IFT140: variants seen among roughly 807,000 people sequenced by gnomAD.
The protein encoded by IFT140 is intraflagellar transport 140.
A neutral mutation model predicts 164.6 loss-of-function variants in IFT140; 133 were observed. That is an observed-to-expected ratio of 0.81 (90% CI 0.70 to 0.93). IFT140 has a LOEUF of 0.93. Ranked by LOEUF, IFT140 falls within the 40% of genes least tolerant of loss-of-function variation. The probability of loss-of-function intolerance (pLI) is 0.00; values close to 1 mark genes in which losing one functional copy is unlikely to be tolerated. For synonymous variants in IFT140, 860 were observed against 817.3 expected (o/e 1.05, Z -0.89); for missense variants, 2,045 against 1,972.3 (o/e 1.04, Z -0.70).
chr16:1,523,339 T>TGAAGGATTGCGGAC (rs2040577782), intron 26 of IFT140, among the ~76,000 whole-genome samples, 179 bp downstream of exon 26: 1 of 151,566 alleles, frequency 6.6e-6, no homozygotes, highest in East Asian at 1.9e-4. Context: ...GGATGGCGAG[T>TGAAGGATTGCGGAC]CTACACTTGC....
intron 13 of IFT140, 52 bp downstream of exon 13, chr16:1,580,707 G>A: frequency 6.7e-6 from 8 of 1,194,728 alleles, no homozygotes; most frequent in Non-Finnish European, 8.8e-6. Flanking sequence ...TCAATTGAGA[G>A]GCAGGATTTC....
chr16:1,593,939 G>A lies in IFT140; in HGVS notation c.370-1351C>T, dbSNP rs770460675. ...CTACCCTCAGGGGTGGAGCATCCAT[G>A]TAAACCACCCGGGCTTCTTCAGCAT... On this transcript the variant is annotated intron_variant, in intron 4 of 30. Transcript: ENST00000426508. Among the ~76,000 whole-genome samples, 5 of 152,174 alleles carry A rather than the reference G, an allele frequency of 3.3e-5. No homozygotes were observed. In the East Asian group the frequency reaches 5.8e-4, roughly 18 times the overall value.
At chr16:1,587,068 T>C in intron 9 of IFT140, 130 bp downstream of exon 9, 2 of 679,140 alleles carry the variant, frequency 2.9e-6, no homozygotes, top group Non-Finnish European at 5.2e-6. Context: ...GCCCGACTAT[T>C]TGAATGGCTG....
chr16:1,595,308 CAAAT>C (rs994768541), intron 4 of IFT140, among the ~76,000 whole-genome samples: 16 of 149,646 alleles, frequency 1.1e-4, no homozygotes, highest in African/African-American at 3.0e-4. Flanking sequence ...AACAAACAAA[CAAAT>C]AAATAAAATA....
chr16:1,559,200 G>A (rs2033272275), intron 18 of IFT140, among the ~76,000 whole-genome samples: 2 of 152,194 alleles, frequency 1.3e-5, no homozygotes, highest in African/African-American at 4.8e-5. Context: ...GTCAGAAAAC[G>A]TACACGCACA....
At chr16:1,581,360 G>A (rs1229912949) in intron 12 of IFT140, among the ~76,000 whole-genome samples, 1 of 152,122 alleles carries the variant, frequency 6.6e-6, no homozygotes, top group Non-Finnish European at 1.5e-5. Flanking sequence ...AGCATTTAGG[G>A]AGGCTGAAGC....
At chr16:1,589,815 C>T in intron 6 of IFT140, 35 bp from the exon 7 acceptor site, 1 of 1,576,122 alleles carries the variant, frequency 6.3e-7, no homozygotes, top group Non-Finnish European at 8.7e-7. Context: ...CATGAGGAGG[C>T]CCTGGTTTAT....
intron 2 of IFT140, among the ~76,000 whole-genome samples, chr16:1,608,011 C>A (rs542953833): frequency 6.6e-5 from 10 of 152,238 alleles, no homozygotes; most frequent in South Asian, 2.1e-4. Context: ...AGAAAAAAAA[C>A]CAGTACTGAA....
intron 19 of IFT140, chr16:1,541,584 C>T (rs763818870): frequency 7.3e-5 from 59 of 812,448 alleles, no homozygotes; most frequent in East Asian, 1.2e-4. Context: ...TCCACCCCCA[C>T]GCCAGCGCCT....
intron 6 of IFT140, 106 bp downstream of exon 6, chr16:1,592,070 A>G (rs1043704890): frequency 1.6e-6 from 2 of 1,217,176 alleles, no homozygotes; most frequent in Non-Finnish European, 2.3e-6. Flanking sequence ...GCCTGCTGCT[A>G]TCACCGTTAC....
intron 13 of IFT140, chr16:1,576,717 T>C (rs1382381912): frequency 6.6e-6 from 1 of 151,856 alleles, no homozygotes; most frequent in African/African-American, 2.4e-5. Flanking sequence ...GCATAAAATA[T>C]AGGTAGATAC....
chr16:1,520,881 G>T, intron 26 of IFT140, 73 bp from the exon 27 acceptor site: 2 of 1,402,678 alleles, frequency 1.4e-6, no homozygotes, highest in Non-Finnish European at 9.8e-7. Context: ...ATCTGCCACC[G>T]CTTCAGAGGA....
intron 13 of IFT140, among the ~76,000 whole-genome samples, chr16:1,572,709 G>A (rs554550937): frequency 2.0e-5 from 3 of 152,352 alleles, no homozygotes; most frequent in Non-Finnish European, 4.4e-5. Flanking sequence ...CGCTGGAGCA[G>A]ACCTCATGCT....
intron 14 of IFT140, among the ~76,000 whole-genome samples, chr16:1,568,852 C>T (rs969619496): frequency 6.6e-6 from 1 of 152,218 alleles, no homozygotes; most frequent in Non-Finnish European, 1.5e-5. Flanking sequence ...TTTCGTAGCA[C>T]GTGGGGACTG....
intron 22 of IFT140, 31 bp downstream of exon 22, chr16:1,525,200 C>G (rs181470068): frequency 6.6e-7 from 1 of 1,512,938 alleles, no homozygotes; most frequent in Non-Finnish European, 9.2e-7. Flanking sequence ...GGATGGAGTG[C>G]GGTCCCACCA....
chr16:1,518,132 A>G, intron 30 of IFT140, 84 bp downstream of exon 30: 1 of 1,406,628 alleles, frequency 7.1e-7, no homozygotes, highest in Non-Finnish European at 9.8e-7. Context: ...GCCGCCACAC[A>G]CAGCCTCAGT....
At chr16:1,520,936 G>C in intron 26 of IFT140, 128 bp from the exon 27 acceptor site, 1 of 732,602 alleles carries the variant, frequency 1.4e-6, no homozygotes. Context: ...TAGCTGGGGT[G>C]GGTATGGAGG....
At chr16:1,511,785 T>G (rs1186786437) in intron 30 of IFT140, among the ~76,000 whole-genome samples, 1 of 151,914 alleles carries the variant, frequency 6.6e-6, no homozygotes, top group East Asian at 1.9e-4. Context: ...CCTTACATGC[T>G]GACAAACCAC....
intron 19 of IFT140, among the ~76,000 whole-genome samples, chr16:1,550,373 T>G (rs1346705326): frequency 6.6e-6 from 1 of 152,236 alleles, no homozygotes; most frequent in Non-Finnish European, 1.5e-5. Flanking sequence ...GGTCGACCCA[T>G]TCTAATGCTC....
Sources: allele counts gnomAD v4.1 joint callset (sites outside exome capture counted in the v4.1 genomes callset), GRCh38; gene constraint gnomAD v4.1.1; transcripts MANE v1.5; gene names NCBI Gene and HGNC (gene_info 2026-07-23, HGNC 2026-07-21).